Variants in AKAP13 observed in about 807,000 individuals in gnomAD.
AKAP13 encodes A-kinase anchoring protein 13, also known as A-kinase anchor protein 13.
AKAP13 carries 80 observed loss-of-function variants against 264.5 expected under a neutral mutation model. That is an observed-to-expected ratio of 0.30 (90% CI 0.25 to 0.36). AKAP13 has a LOEUF of 0.36. Among genes scored for constraint, AKAP13 ranks in the 10% least tolerant of loss-of-function variants. The pLI is 1.00. For missense variants in AKAP13, 3,712 were observed against 3,435.2 expected, an observed-to-expected ratio of 1.08 and a Z score of -2.01; for synonymous variants, 1,380 against 1,250.2, an observed-to-expected ratio of 1.10 and a Z score of -2.19.
At chr15:85,638,837 A>G (rs2082180655) in intron 8 of AKAP13, among the ~76,000 whole-genome samples, 2 of 151,896 alleles carry the variant, frequency 1.3e-5, no homozygotes. Flanking sequence ...GCTCACTGCA[A>G]CATCTGCCTC....
At chr15:85,679,276 A>G (rs2084448210) in intron 14 of AKAP13, among the ~76,000 whole-genome samples, 1 of 152,062 alleles carries the variant, frequency 6.6e-6, no homozygotes, top group Non-Finnish European at 1.5e-5. Flanking sequence ...AGGTCCTGCT[A>G]ATACAGAATT....
At chr15:85,464,396 C>T (rs62022086) in intron 1 of AKAP13, among the ~76,000 whole-genome samples, 21,024 of 152,142 alleles carry the variant, frequency 0.14, 1,860 homozygotes, top group Non-Finnish European at 0.21. Context: ...TCTTTGAGCC[C>T]TATTGTCCAT....
intron 1 of AKAP13, among the ~76,000 whole-genome samples, chr15:85,411,443 T>C (rs917098440): frequency 1.3e-5 from 2 of 152,136 alleles, no homozygotes; most frequent in Non-Finnish European, 2.9e-5. Flanking sequence ...GTGAACTAAC[T>C]GCTTTTTTTT....
chr15:85,734,896 C>A, intron 30 of AKAP13, 96 bp from the exon 31 acceptor site: 4 of 1,476,648 alleles, frequency 2.7e-6, no homozygotes, highest in South Asian at 1.4e-5. Flanking sequence ...TTGGAACTTT[C>A]AAGTCGTGCT....
intron 14 of AKAP13, among the ~76,000 whole-genome samples, chr15:85,676,419 G>A (rs1376180842): frequency 6.6e-6 from 1 of 152,204 alleles, no homozygotes; most frequent in Non-Finnish European, 1.5e-5. Context: ...ACTAAATGAA[G>A]GAACACAGGA....
At chr15:85,468,892 G>C (rs1394754211) in intron 1 of AKAP13, among the ~76,000 whole-genome samples, 2 of 150,660 alleles carry the variant, frequency 1.3e-5, no homozygotes, top group African/African-American at 2.5e-5. Flanking sequence ...ACTACCAGTT[G>C]ATCTGGCCCT....
At chr15:85,408,755 T>A (rs778303706) in intron 1 of AKAP13, among the ~76,000 whole-genome samples, 1 of 152,014 alleles carries the variant, frequency 6.6e-6, no homozygotes, top group South Asian at 2.1e-4. Flanking sequence ...TTTCCACATA[T>A]GGGTTATTGT....
intron 1 of AKAP13, among the ~76,000 whole-genome samples, chr15:85,431,339 T>C (rs1417363173): frequency 2.0e-5 from 3 of 152,204 alleles, no homozygotes; most frequent in Non-Finnish European, 4.4e-5. Context: ...ATTCATACCT[T>C]AGCTCTTCCA....
At chr15:85,541,496 A>C (rs1319937564) in intron 4 of AKAP13, among the ~76,000 whole-genome samples, 1 of 152,248 alleles carries the variant, frequency 6.6e-6, no homozygotes, top group Non-Finnish European at 1.5e-5. Flanking sequence ...TTTAAACCAC[A>C]TTAGTTTAGC....
At chr15:85,421,532 G>C (rs1007304436) in intron 1 of AKAP13, among the ~76,000 whole-genome samples, 6 of 152,274 alleles carry the variant, frequency 3.9e-5, no homozygotes, top group Non-Finnish European at 7.3e-5. Context: ...TATTTGATTT[G>C]AGAGGTTGCA....
chr15:85,580,580 C>G lies in AKAP13; in HGVS notation c.2512C>G (p.Arg838Gly). The G allele has an allele frequency of 1.9e-6, 3 of 1,614,196 alleles. No homozygotes were observed. Among genetic ancestry groups the G allele is most frequent in the Non-Finnish European group, 2.5e-6 (3 of 1,180,036 alleles). Residue 838 changes from arginine to glycine, a missense_variant, in exon 7 of 37, where the codon CGG becomes GGG. Physicochemically the swap from Arg to Gly is moderately radical, Grantham distance 125. Around this residue, in one of 3 missense-constraint regions of AKAP13, gnomAD observed 2,759 missense variants for 2,411.7 expected, o/e 1.14. Coordinates refer to ENST00000394518, the MANE Select transcript of AKAP13 (RefSeq NM_007200.5). ...TGGAAATTCGAATGAGCCTGATACG[C>G]GGCCACTAGAAGACAGGGCAGTAGG... ...PDGNSNEPDT[R>G]PLEDRAVGLS...
At chr15:85,536,755 G>A (rs1479159234) in intron 4 of AKAP13, 1 of 152,192 alleles carries the variant, frequency 6.6e-6, no homozygotes, top group African/African-American at 2.4e-5. Flanking sequence ...CTATTTATAT[G>A]ATATTCTGGA....
chr15:85,522,464 A>AG (rs2076856576), intron 3 of AKAP13, among the ~76,000 whole-genome samples: 1 of 152,050 alleles, frequency 6.6e-6, no homozygotes, highest in South Asian at 2.1e-4. Flanking sequence ...ATTGGTGGAG[A>AG]GGGATGTACC....
intron 8 of AKAP13, among the ~76,000 whole-genome samples, chr15:85,636,481 G>A (rs2082074741): frequency 6.6e-6 from 1 of 152,140 alleles, no homozygotes; most frequent in Admixed American, 6.5e-5. Context: ...CAGAATGAAA[G>A]CATTTAGTCT....
rs1394308488 is a variant in AKAP13 at position 85,747,817 on chromosome 15, TCTTAA to T, written c.*3144_*3148del. On this transcript the variant is annotated 3_prime_UTR_variant, in exon 37 of 37. Coordinates refer to ENST00000394518, the MANE Select transcript of AKAP13 (RefSeq NM_007200.5). ...CAAGGTTTTTTTGGAAAGGTACGAA[TCTTAA>T]CTTTTTTCCCCTTCTGTGTCTCAGG... The T allele has an allele frequency of 6.5e-6, 1 of 153,014 alleles. No individual in the cohort carries two copies. Among genetic ancestry groups the T allele is most frequent in the Non-Finnish European group, 1.5e-5 (1 of 68,040 alleles). 9.5% of individuals were successfully genotyped at this position (153,014 alleles called of 1,614,324 possible). A position where few individuals can be genotyped will look rare whatever the true frequency, so the allele number is the denominator to read the frequency against.
intron 1 of AKAP13, among the ~76,000 whole-genome samples, chr15:85,466,066 C>A (rs1481079210): frequency 6.6e-6 from 1 of 152,204 alleles, no homozygotes; most frequent in Admixed American, 6.5e-5. Context: ...GAGATGGTAT[C>A]TCATTGTGGT....
chr15:85,563,193 G>T (rs1392300617), intron 5 of AKAP13, among the ~76,000 whole-genome samples: 1 of 152,104 alleles, frequency 6.6e-6, no homozygotes, highest in African/African-American at 2.4e-5. Flanking sequence ...TGAATTTGTA[G>T]TGAATTGGTA....
chr15:85,569,842 C>G lies in AKAP13; in HGVS notation c.663-5289C>G, dbSNP rs1248156101. Among the ~76,000 whole-genome samples the G allele has an allele frequency of 3.3e-5, 5 of 150,946 alleles. No individual in the cohort carries two copies. The South Asian group carries it at 6.3e-4, about 19-fold the overall frequency. ...CGTGTAATCCCAGCACATTGGGAGG[C>G]CAAGGCAGGTGGATCACAAGGTCAG... On this transcript the variant is annotated intron_variant, in intron 5 of 36. Transcript: ENST00000394518.
At chr15:85,462,644 A>T (rs762709720) in intron 1 of AKAP13, among the ~76,000 whole-genome samples, 9 of 152,240 alleles carry the variant, frequency 5.9e-5, no homozygotes, top group African/African-American at 2.2e-4. Context: ...TGTTATTACT[A>T]TACTCATTTA....
Sources: allele counts gnomAD v4.1 joint callset (sites outside exome capture counted in the v4.1 genomes callset), GRCh38; gene constraint gnomAD v4.1.1; regional missense constraint gnomAD v4.1.1; transcripts MANE v1.5; gene names NCBI Gene and HGNC (gene_info 2026-07-23, HGNC 2026-07-21).